Variants in NDUFAF6 observed in about 807,000 individuals in gnomAD.
NDUFAF6 encodes the protein NADH dehydrogenase (ubiquinone) complex I, assembly factor 6.
In NDUFAF6, 45 loss-of-function variants were observed where a neutral mutation model predicts 40.8. The ratio of observed to expected loss-of-function variants is 1.10; its 90% CI spans 0.87 to 1.42. NDUFAF6 has a LOEUF of 1.42. Ranked by LOEUF, NDUFAF6 falls within the 40% of genes most tolerant of loss-of-function variation. The pLI, the probability that NDUFAF6 is intolerant of heterozygous loss-of-function variation, is 0.00. For missense variants in NDUFAF6, 435 were observed against 418.5 expected (o/e 1.04, Z -0.34); for synonymous variants, 185 against 155.9 (o/e 1.19, Z -1.39).
downstream of NDUFAF6, among the ~76,000 whole-genome samples, chr8:95,059,790 A>G (rs1391009343): frequency 1.3e-5 from 2 of 152,176 alleles, no homozygotes; most frequent in Non-Finnish European, 2.9e-5. Context: ...TAGAGGTTGC[A>G]GTGAGCTGAG....
Position 95,072,392 on chromosome 8 carries a change from G to A in NDUFAF6, c.*512-3241G>A, listed in dbSNP as rs193219811. ...ACTTTCATGTTTACAAGTGTCATTG[G>A]GCATCTACTGGTACTCATCTTAGTT... On this transcript the variant is annotated intron_variant and NMD_transcript_variant, in intron 9 of 9. Transcript: ENST00000520757. Among the ~76,000 whole-genome samples, 4 of 152,206 alleles carry A rather than the reference G, an allele frequency of 2.6e-5. No homozygotes were observed. In the East Asian group the frequency reaches 7.7e-4, roughly 29 times the overall value.
intron 2 of NDUFAF6, among the ~76,000 whole-genome samples, chr8:95,018,845 T>C (rs1477455979): frequency 6.6e-6 from 1 of 152,158 alleles, no homozygotes; most frequent in Non-Finnish European, 1.5e-5. Flanking sequence ...CAATGGGTGA[T>C]GGGGTGATGA....
rs1820273634 is a variant in NDUFAF6 at position 94,930,396 on chromosome 8, GACA to G, written c.-935-15083_-935-15081del. 4 of 1,549,656 alleles carry G rather than the reference GACA, an allele frequency of 2.6e-6. No individual in the cohort carries two copies. In the Admixed American group the frequency reaches 5.6e-5, roughly 22 times the overall value. ...ATTGGTTATCAATTGGTTGTAAAGA[GACA>G]ACATTTTCACTGTACATATACACAC... On this transcript the variant is annotated intron_variant, in intron 1 of 14. Transcript: ENST00000396113.
At chr8:95,106,679 A>G (rs1279573369), downstream of NDUFAF6, among the ~76,000 whole-genome samples, 1 of 152,216 alleles carries the variant, frequency 6.6e-6, no homozygotes, top group Non-Finnish European at 1.5e-5. Context: ...AGAAACTACC[A>G]TCAGAGTGAA....
At chr8:95,017,564 C>A (rs1827515836) in intron 2 of NDUFAF6, among the ~76,000 whole-genome samples, 1 of 152,212 alleles carries the variant, frequency 6.6e-6, no homozygotes, top group African/African-American at 2.4e-5. Context: ...TTTCCACAGA[C>A]TTTCTACCAA....
Position 95,032,110 on chromosome 8 carries a change from C to T in NDUFAF6, c.297+16C>T. On this transcript the variant is annotated intron_variant, in intron 2 of 8. Transcript: ENST00000396124. Reference sequence around the variant, plus strand: ...ACTGGCTCAGGCTGGTATTAAGATACCTTAAAATATTATTTGCGAAATGGT... The same window carrying T: ...ACTGGCTCAGGCTGGTATTAAGATATCTTAAAATATTATTTGCGAAATGGT... 1 of 1,601,134 alleles carries T rather than the reference C, an allele frequency of 6.2e-7. No individual in the cohort carries two copies. The highest frequency in any genetic ancestry group is 1.1e-5 in the South Asian group (1 of 90,838).
downstream of NDUFAF6, among the ~76,000 whole-genome samples, chr8:95,106,616 G>A (rs1301614278): frequency 1.3e-5 from 2 of 152,178 alleles, no homozygotes; most frequent in East Asian, 3.8e-4. Context: ...GGCAACAAAA[G>A]CCAAAATTGA....
intron 9 of NDUFAF6, among the ~76,000 whole-genome samples, chr8:95,071,462 C>A (rs1832859102): frequency 6.6e-6 from 1 of 151,454 alleles, no homozygotes; most frequent in Admixed American, 6.6e-5. Context: ...CCCTCATTAG[C>A]CAGCCAGCTT....
rs1563825449 is a variant in NDUFAF6 at position 95,045,550 on chromosome 8, A to G, written c.483A>G (p.Lys161=). The change falls in exon 5 of 9, where the codon AAA becomes AAG. Residue 161 remains lysine (K), a synonymous_variant. Transcript: ENST00000396124. ...WLMKIVDERE[K]NLDDKAYRNI... Reference sequence around the variant, plus strand: ...TTGCATTTTATTTGATGTAGGAAAAAAATCTGGATGACAAAGCATATCGTA... The same window carrying G: ...TTGCATTTTATTTGATGTAGGAAAAGAATCTGGATGACAAAGCATATCGTA... The G allele has an allele frequency of 6.2e-7, 1 of 1,612,422 alleles. No individual in the cohort carries two copies.
chr8:95,025,503 A>C (rs1442370815), intron 1 of NDUFAF6, among the ~76,000 whole-genome samples: 1 of 152,252 alleles, frequency 6.6e-6, no homozygotes, highest in Admixed American at 6.5e-5. Context: ...TTTGTTATTC[A>C]CAGAACGTCT....
At chr8:94,909,197 T>C (rs555996343) in intron 1 of NDUFAF6, among the ~76,000 whole-genome samples, 7 of 151,200 alleles carry the variant, frequency 4.6e-5, no homozygotes, top group African/African-American at 1.7e-4. Flanking sequence ...AATACAAAAC[T>C]AGCCAGGTGT....
At chr8:95,040,272 G>A (rs981411076) in intron 3 of NDUFAF6, among the ~76,000 whole-genome samples, 3 of 152,176 alleles carry the variant, frequency 2.0e-5, no homozygotes, top group Non-Finnish European at 4.4e-5. Flanking sequence ...TACTTCATAG[G>A]TGGTATGTCC....
intron 4 of NDUFAF6, among the ~76,000 whole-genome samples, chr8:95,043,986 C>T (rs1830436236): frequency 6.6e-6 from 1 of 152,114 alleles, no homozygotes; most frequent in Non-Finnish European, 1.5e-5. Context: ...GTAGAAAGAA[C>T]TCATAGTCTG....
intron 5 of NDUFAF6, 126 bp from the exon 6 acceptor site, chr8:95,046,868 T>C: frequency 7.6e-7 from 1 of 1,311,882 alleles, no homozygotes; most frequent in East Asian, 2.4e-5. Context: ...TCATAAATCC[T>C]GTTTTTCAGA....
In NDUFAF6 at chr8:94,950,573, T is replaced by C. The variant is rs1427952360; in HGVS notation, c.-799+4954T>C. On this transcript the variant is annotated intron_variant, in intron 2 of 14. Coordinates refer to the NDUFAF6 transcript ENST00000396113. ...GGATGTAAATTGCAGTGCAGGGAGT[T>C]GTCAGACACCAAGGAGTAATGATCA... Among the ~76,000 whole-genome samples the C allele has an allele frequency of 3.9e-5, 6 of 152,192 alleles. No individual in the cohort carries two copies. In the East Asian group the frequency reaches 1.2e-3, roughly 29 times the overall value.
chr8:94,996,277 T>A (rs1168635354), intron 2 of NDUFAF6, among the ~76,000 whole-genome samples: 1 of 152,124 alleles, frequency 6.6e-6, no homozygotes, highest in Non-Finnish European at 1.5e-5. Flanking sequence ...TGCCCTCTCT[T>A]CTCTCATCCC....
At chr8:94,939,903 C>A in intron 1 of NDUFAF6, 4 of 1,613,970 alleles carry the variant, frequency 2.5e-6, no homozygotes, top group Non-Finnish European at 3.4e-6. Flanking sequence ...CCACGGGTGG[C>A]CTCACTGAGA....
chr8:94,987,409 A>G (rs1825969516), intron 2 of NDUFAF6, among the ~76,000 whole-genome samples: 1 of 152,182 alleles, frequency 6.6e-6, no homozygotes, highest in African/African-American at 2.4e-5. Context: ...CATTAATGGA[A>G]TAAACACTCT....
chr8:95,107,440 G>A (rs1809872068), downstream of NDUFAF6, among the ~76,000 whole-genome samples: 1 of 152,114 alleles, frequency 6.6e-6, no homozygotes, highest in Non-Finnish European at 1.5e-5. Context: ...AGAACACATG[G>A]ACACAGGGAG....
Sources: allele counts gnomAD v4.1 joint callset (sites outside exome capture counted in the v4.1 genomes callset), GRCh38; gene constraint gnomAD v4.1.1; transcripts MANE v1.5; gene names NCBI Gene and HGNC (gene_info 2026-07-23, HGNC 2026-07-21).